Variants in BNC2 observed in about 807,000 individuals in gnomAD.
The protein encoded by BNC2 is basonuclin zinc finger protein 2.
BNC2 carries 20 observed loss-of-function variants against 76.3 expected under a neutral mutation model. The observed-to-expected ratio is 0.26, with a 90% CI of 0.18 to 0.38. The LOEUF is 0.38. BNC2 is among the 10% of genes least tolerant of loss of function. The probability of loss-of-function intolerance (pLI) is 1.00; values close to 1 mark genes in which losing one functional copy is unlikely to be tolerated. For missense variants in BNC2, 1,382 were observed against 1,399.8 expected (o/e 0.99, Z 0.20); for synonymous variants, 582 against 514.8 (o/e 1.13, Z -1.77).
intron 6 of BNC2, chr9:16,431,347 G>A: frequency 2.6e-6 from 1 of 380,598 alleles, no homozygotes; most frequent in Non-Finnish European, 5.9e-6. Flanking sequence ...CTCAGCTCCT[G>A]GGGATCAAAA....
intron 5 of BNC2, among the ~76,000 whole-genome samples, chr9:16,455,858 C>T (rs891854277): frequency 6.6e-6 from 1 of 151,842 alleles, no homozygotes; most frequent in Non-Finnish European, 1.5e-5. Context: ...AAGGCTTTCA[C>T]TTATTTTACT....
chr9:16,607,812 T>A (rs1438045714), intron 3 of BNC2, among the ~76,000 whole-genome samples: 2 of 152,212 alleles, frequency 1.3e-5, no homozygotes, highest in Non-Finnish European at 2.9e-5. Flanking sequence ...GTGACCTAAC[T>A]TATAGATTAA....
In BNC2 at chr9:16,437,380, C is replaced by A. The variant is rs746574309; in HGVS notation, c.814G>T (p.Ala272Ser). 2 of 1,612,572 alleles carry A rather than the reference C, an allele frequency of 1.2e-6. No individual in the cohort carries two copies. Among genetic ancestry groups the A allele is most frequent in the Non-Finnish European group, 1.7e-6 (2 of 1,178,800 alleles). The stretch of plus-strand genomic sequence containing the variant: ...GAGTCTGTCTTTGAAGATGGTACAG[C>A]CACGGCCTGCCCTTCTTTCTCCTGA... ...AIQEKEGQAV[A>S]VPSSKTDSDI... The change falls in exon 6 of 7, where the codon GCT becomes TCT. Residue 272 changes from alanine to serine, a missense_variant. Ala to Ser is a moderately conservative substitution (Grantham distance 99). Around this residue, in one of 3 missense-constraint regions of BNC2, gnomAD observed 557 missense variants for 540.9 expected, o/e 1.03. Coordinates refer to ENST00000380672, the MANE Select transcript of BNC2 (RefSeq NM_017637.6).
At chr9:16,543,427 G>C (rs1818384170) in intron 5 of BNC2, among the ~76,000 whole-genome samples, 1 of 152,150 alleles carries the variant, frequency 6.6e-6, no homozygotes, top group Non-Finnish European at 1.5e-5. Context: ...TGCCATCACA[G>C]ACAATGTCCA....
At chr9:16,815,826 T>A (rs528237997) in intron 1 of BNC2, among the ~76,000 whole-genome samples, 2 of 152,300 alleles carry the variant, frequency 1.3e-5, no homozygotes, top group South Asian at 4.1e-4. Flanking sequence ...GGCATTATCT[T>A]TCAAGTAAGA....
chr9:16,674,054 G>A (rs1006680301), intron 3 of BNC2, among the ~76,000 whole-genome samples: 1 of 152,138 alleles, frequency 6.6e-6, no homozygotes, highest in African/African-American at 2.4e-5. Context: ...TTCTGAACCT[G>A]CCTTTTCGGA....
chr9:16,573,535 G>A (rs2132892670), intron 4 of BNC2, among the ~76,000 whole-genome samples: 1 of 140,632 alleles, frequency 7.1e-6, no homozygotes, highest in Non-Finnish European at 1.5e-5. Context: ...GTGTAGAGTT[G>A]CCTTTACATT....
intron 5 of BNC2, among the ~76,000 whole-genome samples, chr9:16,439,756 T>C (rs1821088663): frequency 6.6e-6 from 1 of 152,208 alleles, no homozygotes; most frequent in Admixed American, 6.5e-5. Flanking sequence ...TGTGCCCCCC[T>C]TTGTAAGGCT....
In BNC2 at chr9:16,699,485, G is replaced by C. The variant is rs1171967725; in HGVS notation, c.330+28312C>G. Among the ~76,000 whole-genome samples the C allele has an allele frequency of 2.6e-5, 4 of 152,294 alleles. No individual in the cohort carries two copies. The East Asian group carries it at 7.7e-4, about 29-fold the overall frequency. The stretch of plus-strand genomic sequence containing the variant: ...CCCTCATTTTCTTCTGCAAAAGTAA[G>C]ACTTCTGCAAGAGTGACACAAGTAT... On this transcript the variant is annotated intron_variant, in intron 3 of 6. Transcript: ENST00000380672.
At chr9:16,613,195 T>C (rs188956384) in intron 3 of BNC2, among the ~76,000 whole-genome samples, 127 of 152,298 alleles carry the variant, frequency 8.3e-4, no homozygotes, top group African/African-American at 2.8e-3. Flanking sequence ...TCCAAGCATA[T>C]GACTAATTAT....
intron 5 of BNC2, among the ~76,000 whole-genome samples, chr9:16,535,357 G>C (rs1818098869): frequency 6.6e-6 from 1 of 152,180 alleles, no homozygotes; most frequent in South Asian, 2.1e-4. Context: ...AATAGAAATT[G>C]TTTAGGAAGT....
intron 3 of BNC2, among the ~76,000 whole-genome samples, chr9:16,651,301 A>T (rs1821788087): frequency 6.6e-6 from 1 of 152,210 alleles, no homozygotes; most frequent in South Asian, 2.1e-4. Context: ...CAGTAAAAGA[A>T]AAACAAGTAA....
At chr9:16,836,939 A>T (rs1050705122) in intron 1 of BNC2, among the ~76,000 whole-genome samples, 4 of 152,188 alleles carry the variant, frequency 2.6e-5, no homozygotes, top group African/African-American at 9.6e-5. Context: ...TCTAAAAGGT[A>T]TTCAACTTAC....
chr9:16,781,891 A>G (rs968967738), intron 1 of BNC2, among the ~76,000 whole-genome samples: 3 of 152,184 alleles, frequency 2.0e-5, no homozygotes, highest in Non-Finnish European at 4.4e-5. Context: ...TATCATCTCA[A>G]TTTTATAAAA....
chr9:16,575,187 G>A (rs1017654556), intron 4 of BNC2: 2 of 862,514 alleles, frequency 2.3e-6, no homozygotes, highest in African/African-American at 1.8e-5. Context: ...CCTACAGTAG[G>A]TGACAGAGCC....
intron 5 of BNC2, among the ~76,000 whole-genome samples, chr9:16,548,788 T>C (rs1181852625): frequency 2.0e-5 from 3 of 152,258 alleles, no homozygotes; most frequent in Non-Finnish European, 4.4e-5. Context: ...CCCATTTTTG[T>C]GGTTTTCTGG....
chr9:16,858,536 G>A (rs1269005480), intron 1 of BNC2, among the ~76,000 whole-genome samples: 1 of 152,140 alleles, frequency 6.6e-6, no homozygotes, highest in Non-Finnish European at 1.5e-5. Flanking sequence ...ATAGACAAAT[G>A]GAACTGAATC....
intron 1 of BNC2, among the ~76,000 whole-genome samples, chr9:16,814,652 G>A (rs1818137347): frequency 6.6e-6 from 1 of 152,184 alleles, no homozygotes; most frequent in Non-Finnish European, 1.5e-5. Context: ...GGCAATGTTT[G>A]AGATAACAGA....
intron 3 of BNC2, chr9:16,727,595 T>TTTTTTTTTTTTTC: frequency 1.7e-6 from 1 of 577,852 alleles, no homozygotes; most frequent in Non-Finnish European, 3.0e-6. Flanking sequence ...TTCCCCTTTT[T>TTTTTTTTTTTTTC]CTTTTAAGAC....
Sources: allele counts gnomAD v4.1 joint callset (sites outside exome capture counted in the v4.1 genomes callset), GRCh38; gene constraint gnomAD v4.1.1; regional missense constraint gnomAD v4.1.1; transcripts MANE v1.5; gene names NCBI Gene and HGNC (gene_info 2026-07-23, HGNC 2026-07-21).